Variants in CHAF1A observed in about 807,000 individuals in gnomAD.
CHAF1A encodes the protein CAF-1 subunit A.
Under a neutral mutation model 93.2 loss-of-function variants are expected in CHAF1A, and 5 were observed. That is an observed-to-expected ratio of 0.05 (90% CI 0.03 to 0.11). CHAF1A has a LOEUF of 0.11. CHAF1A is among the 10% of genes least tolerant of loss of function. The probability of loss-of-function intolerance (pLI) is 1.00; values close to 1 mark genes in which losing one functional copy is unlikely to be tolerated. For missense variants in CHAF1A, 1,102 were observed against 1,259.9 expected (o/e 0.87, Z 1.90); for synonymous variants, 504 against 510.3 (o/e 0.99, Z 0.17).
intron 10 of CHAF1A, 70 bp from the exon 11 acceptor site, chr19:4,430,476 CCTA>C: frequency 9.8e-7 from 1 of 1,021,226 alleles, no homozygotes; most frequent in South Asian, 1.3e-5. Context: ...CTGCGCCTGG[CCTA>C]CTTTGTTTTT....
intron 2 of CHAF1A, among the ~76,000 whole-genome samples, chr19:4,408,461 C>CTTTTTTTTTTTTTTTTTTTTTTTTT (rs778100682): frequency 8.3e-5 from 3 of 36,020 alleles, no homozygotes; most frequent in African/African-American, 3.4e-4. Context: ...CGCACCCGGC[C>CTTTTTTTTTTTTTTTTTTTTTTTTT]TTTTTTTTTT....
chr19:4,427,136 C>CTTTTTT lies in CHAF1A; in HGVS notation c.1378-1502_1378-1497dup, dbSNP rs747750687. Among the ~76,000 whole-genome samples, 51 of 31,948 alleles carry CTTTTTT rather than the reference C, an allele frequency of 1.6e-3. 7 individuals carry two copies. The highest frequency in any genetic ancestry group is 4.5e-3 in the East Asian group (3 of 664). 21.0% of individuals were successfully genotyped at this position (31,948 alleles called of 152,430 possible). A position where few individuals can be genotyped will look rare whatever the true frequency, so the allele number is the denominator to read the frequency against. On this transcript the variant is annotated intron_variant, in intron 7 of 14. Transcript: ENST00000301280. ...GTGATCTTTCAAAAAAAGACCCTGT[C>CTTTTTT]TTTTTTTTTTTTTTTTTTTTTTTTT...
At chr19:4,438,914 G>A (rs980177012) in intron 13 of CHAF1A, among the ~76,000 whole-genome samples, 2 of 152,162 alleles carry the variant, frequency 1.3e-5, no homozygotes, top group African/African-American at 2.4e-5. Context: ...CCTGGGAGGC[G>A]GAGCTTGCGG....
In CHAF1A at chr19:4,433,077, C is replaced by A; in HGVS notation, c.2211C>A (p.Ala737=). ...KRERRDEQIL[A]QLLPLLHGNV... Reference sequence around the variant, plus strand: ...CATGTTCCCTCCTGCCAGTCCTGGCCCAGCTGCTGCCGCTCCTGCACGGCA... The same window carrying A: ...CATGTTCCCTCCTGCCAGTCCTGGCACAGCTGCTGCCGCTCCTGCACGGCA... The change falls in exon 13 of 15, where the codon GCC becomes GCA. Residue 737 remains alanine (A), a synonymous_variant. Coordinates refer to ENST00000301280, the MANE Select transcript of CHAF1A (RefSeq NM_005483.3). The surrounding 1 kb of genome is among the most constrained non-coding windows in gnomAD (Gnocchi z 5.6). 6.4e-7 allele frequency: 1 copy of A among 1,570,442 alleles called. No homozygotes were observed. The highest frequency in any genetic ancestry group is 8.7e-7 in the Non-Finnish European group (1 of 1,153,060).
At chr19:4,412,334 A>T (rs971502470) in intron 3 of CHAF1A, among the ~76,000 whole-genome samples, 3 of 152,178 alleles carry the variant, frequency 2.0e-5, no homozygotes, top group African/African-American at 7.2e-5. Flanking sequence ...CCTAAGGTCG[A>T]GAGTTCAAGA....
intron 7 of CHAF1A, among the ~76,000 whole-genome samples, chr19:4,428,380 A>G (rs569538244): frequency 6.6e-6 from 1 of 151,906 alleles, no homozygotes; most frequent in South Asian, 2.1e-4. Context: ...GTGTTGACAA[A>G]TGACAGGGCC....
rs775109223 is a variant in CHAF1A at position 4,409,118 on chromosome 19, G to A, written c.319G>A (p.Glu107Lys). The A allele has an allele frequency of 2.2e-5, 36 of 1,614,050 alleles. No individual in the cohort carries two copies. The East Asian group carries it at 6.7e-4, about 30-fold the overall frequency. The change falls in exon 3 of 15, where the codon GAA becomes AAA. Residue 107 changes from glutamate to lysine, a missense_variant. Coordinates refer to ENST00000301280, the MANE Select transcript of CHAF1A (RefSeq NM_005483.3). ...PLDNFLRNRIETSIGQSTVII... is the reference protein window; with the variant it reads ...PLDNFLRNRIKTSIGQSTVII... ...AGATAACTTTTTAAGAAATAGAATC[G>A]AAACCAGTATTGGCCAGAGCACAGT...
rs542543875 is a variant in CHAF1A, at chr19:4,403,272, G to A, written c.52+458G>A. On this transcript the variant is annotated intron_variant, in intron 1 of 14. Coordinates refer to ENST00000301280, the MANE Select transcript of CHAF1A (RefSeq NM_005483.3). ...GGGTCGGGGTAAGCCCGGGTAAGAA[G>A]AGGCCCAGATGGTAGAGATGGCCAG... Among the ~76,000 whole-genome samples, 23 of 152,326 alleles carry A rather than the reference G, an allele frequency of 1.5e-4. 2 individuals carry two copies. Among genetic ancestry groups the A allele is most frequent in the Middle Eastern group, 6.8e-3 (2 of 294 alleles).
At chr19:4,426,789 A>G (rs1436482759) in intron 7 of CHAF1A, among the ~76,000 whole-genome samples, 1 of 152,092 alleles carries the variant, frequency 6.6e-6, no homozygotes, top group Non-Finnish European at 1.5e-5. Flanking sequence ...GTCTTTCATT[A>G]TACTGAAATT....
At chr19:4,413,461 T>A (rs923790841) in intron 3 of CHAF1A, among the ~76,000 whole-genome samples, 5 of 152,170 alleles carry the variant, frequency 3.3e-5, no homozygotes, top group African/African-American at 1.2e-4. Context: ...ATACACTGTT[T>A]TTGCACTTTA....
intron 13 of CHAF1A, among the ~76,000 whole-genome samples, chr19:4,436,037 G>T (rs1382073457): frequency 6.6e-6 from 1 of 152,126 alleles, no homozygotes. Flanking sequence ...TACTCGGGAG[G>T]TTGAGGCAGG....
intron 10 of CHAF1A, chr19:4,430,247 G>T: frequency 2.8e-6 from 1 of 359,426 alleles, no homozygotes; most frequent in Non-Finnish European, 5.2e-6. Context: ...GCGCGATTTC[G>T]GCTCACTGCA....
At chr19:4,447,091 T>TG (rs1429040010), downstream of CHAF1A, 1 of 637,914 alleles carries the variant, frequency 1.6e-6, no homozygotes, top group African/African-American at 1.8e-5. Context: ...TTTTCTACGG[T>TG]GGGGGCTGTG....
downstream of CHAF1A, chr19:4,445,621 C>A: frequency 8.1e-6 from 13 of 1,612,850 alleles, no homozygotes; most frequent in Non-Finnish European, 1.1e-5. Flanking sequence ...GGGCAGAGGG[C>A]ACCTGCGGTA....
chr19:4,431,713 A>G (rs970528539), intron 11 of CHAF1A, among the ~76,000 whole-genome samples: 3 of 152,186 alleles, frequency 2.0e-5, no homozygotes, highest in African/African-American at 7.2e-5. Context: ...AAGAGGCCTC[A>G]TGGGTGAGTT....
chr19:4,446,578 G>C (rs778305826), downstream of CHAF1A: 8 of 1,612,596 alleles, frequency 5.0e-6, no homozygotes, highest in South Asian at 5.5e-5. Flanking sequence ...CGAGGCCAGG[G>C]GCGAGGGCTG....
intron 3 of CHAF1A, among the ~76,000 whole-genome samples, chr19:4,410,562 G>A (rs1428469802): frequency 1.3e-5 from 2 of 152,036 alleles, no homozygotes; most frequent in South Asian, 2.1e-4. Context: ...TATATTTTTA[G>A]TAGAGACAGG....
intron 13 of CHAF1A, among the ~76,000 whole-genome samples, chr19:4,439,785 G>A (rs895681138): frequency 6.6e-6 from 1 of 152,262 alleles, no homozygotes; most frequent in Admixed American, 6.5e-5. Context: ...GCTCATGCCT[G>A]TAATCCCAGC....
downstream of CHAF1A, chr19:4,445,597 C>G: frequency 2.5e-6 from 4 of 1,613,618 alleles, no homozygotes; most frequent in South Asian, 4.4e-5. Context: ...CCATGTCCCA[C>G]GAGAAGGTCA....
Sources: allele counts gnomAD v4.1 joint callset (sites outside exome capture counted in the v4.1 genomes callset), GRCh38; gene constraint gnomAD v4.1.1; non-coding constraint Gnocchi (gnomAD v3.1); transcripts MANE v1.5; gene names NCBI Gene and HGNC (gene_info 2026-07-23, HGNC 2026-07-21).